The following PHLPP2 variants were observed in gnomAD, a reference collection of about 807,000 sequenced individuals.
The protein encoded by PHLPP2 is PH domain leucine-rich repeat-containing protein phosphatase 2.
A neutral mutation model predicts 124.9 loss-of-function variants in PHLPP2; 66 were observed. The observed-to-expected ratio is 0.53, with a 90% CI of 0.43 to 0.65. The LOEUF is 0.65. Among genes scored for constraint, PHLPP2 ranks in the 30% least tolerant of loss-of-function variants. The pLI is 0.00. For missense variants in PHLPP2, 1,685 were observed against 1,600.4 expected (o/e 1.05, Z -0.90); for synonymous variants, 681 against 624.7 (o/e 1.09, Z -1.34).
At chr16:71,700,414 A>T (rs775522126) in intron 3 of PHLPP2, among the ~76,000 whole-genome samples, 26 of 151,978 alleles carry the variant, frequency 1.7e-4, no homozygotes, top group Non-Finnish European at 3.5e-4. Context: ...CAAAAAAAAT[A>T]AAAAATTAAA....
In PHLPP2 at chr16:71,655,274, C is replaced by G. The variant is rs769506153; in HGVS notation, c.2551G>C (p.Val851Leu). ...EEVQQSTNDT[V>L]FMANTFLVSH... ...ACCAAGAAGGTGTTAGCCATGAAAA[C>G]TGTGTCATTAGTTGACTGCTGTACC... The change falls in exon 17 of 19, where the codon GTT becomes CTT. Residue 851 changes from valine (V) to leucine (L), a missense_variant. Val to Leu is a conservative substitution (Grantham distance 32). Coordinates refer to ENST00000568954, the MANE Select transcript of PHLPP2 (RefSeq NM_015020.3). 7 of 1,613,856 alleles carry G rather than the reference C, an allele frequency of 4.3e-6. No homozygotes were observed. In the African/African-American group the frequency reaches 8.0e-5, roughly 18 times the overall value.
chr16:71,708,819 C>T (rs1376102241), intron 2 of PHLPP2, among the ~76,000 whole-genome samples: 3 of 151,742 alleles, frequency 2.0e-5, no homozygotes, highest in Non-Finnish European at 2.9e-5. Flanking sequence ...TAGCCAGATG[C>T]AGCAGCGTGC....
intron 13 of PHLPP2, among the ~76,000 whole-genome samples, chr16:71,662,487 C>T (rs1003901352): frequency 6.6e-6 from 1 of 151,652 alleles, no homozygotes; most frequent in Admixed American, 6.6e-5. Context: ...AGTCCCATCT[C>T]CTTGGAAGGT....
chr16:71,652,442 G>T (rs540866244), intron 18 of PHLPP2, among the ~76,000 whole-genome samples: 1 of 152,322 alleles, frequency 6.6e-6, no homozygotes, highest in East Asian at 1.9e-4. Flanking sequence ...TCAGAATGGG[G>T]ATGTCAAACT....
Position 71,645,169 on chromosome 16 carries a change from G to T in PHLPP2, c.*3721C>A. 5.6e-6 allele frequency: 1 copy of T among 178,884 alleles called. No individual in the cohort carries two copies. The allele number at this position is 178,884 out of a possible 1,614,324, so 11.1% of individuals were successfully genotyped here. On this transcript the variant is annotated 3_prime_UTR_variant, in exon 19 of 19. Coordinates refer to ENST00000568954, the MANE Select transcript of PHLPP2 (RefSeq NM_015020.3). The stretch of plus-strand genomic sequence containing the variant: ...ATGACATCCACTGGCAACAGTGAGA[G>T]AAAACCCTATAGCATCTGGGAGAAG...
At position 71,681,856 on chromosome 16, in the gene PHLPP2, T is replaced by C. The variant is rs1391340423; in HGVS notation, c.785A>G (p.Glu262Gly). The change falls in exon 6 of 19, where the codon GAG (glutamate) becomes GGG (glycine). Residue 262 changes from glutamate to glycine, a missense_variant. Coordinates refer to ENST00000568954, the MANE Select transcript of PHLPP2 (RefSeq NM_015020.3). ...STVDLSCYSL[E>G]EVPEHLFYSQ... The stretch of plus-strand genomic sequence containing the variant: ...ATAGAAGAGATGCTCAGGAACCTCC[T>C]CGAGGCTGTAACACGAGAGATCCAC... The C allele has an allele frequency of 6.2e-7, 1 of 1,613,774 alleles. No individual in the cohort carries two copies. Among genetic ancestry groups the C allele is most frequent in the Non-Finnish European group, 8.5e-7 (1 of 1,179,884 alleles).
chr16:71,701,708 G>A (rs1302170648), intron 3 of PHLPP2, among the ~76,000 whole-genome samples: 2 of 151,888 alleles, frequency 1.3e-5, no homozygotes, highest in African/African-American at 2.4e-5. Context: ...TGCCACCTGT[G>A]GTCTTGCTTT....
At chr16:71,682,176 C>T (rs183386208) in intron 5 of PHLPP2, among the ~76,000 whole-genome samples, 290 of 150,642 alleles carry the variant, frequency 1.9e-3, no homozygotes, top group Admixed American at 3.7e-3. Context: ...AAAGTTAACA[C>T]TTCATGCAAG....
chr16:71,707,814 C>A (rs2045288801), intron 2 of PHLPP2, among the ~76,000 whole-genome samples: 1 of 152,210 alleles, frequency 6.6e-6, no homozygotes. Context: ...CTGCCAAGTT[C>A]TTCCTTGCAG....
intron 1 of PHLPP2, chr16:71,724,000 G>GC (rs1158780275): frequency 9.5e-6 from 2 of 211,374 alleles, no homozygotes; most frequent in African/African-American, 4.7e-5. Context: ...CGCCAGCTCC[G>GC]CCCCTCCCGC....
chr16:71,711,196 T>C (rs1434154575), intron 2 of PHLPP2, among the ~76,000 whole-genome samples: 1 of 151,958 alleles, frequency 6.6e-6, no homozygotes, highest in Non-Finnish European at 1.5e-5. Context: ...CCAAGTGTGG[T>C]GGCTCATGCC....
At chr16:71,721,789 G>C (rs923815388) in intron 1 of PHLPP2, among the ~76,000 whole-genome samples, 1 of 151,932 alleles carries the variant, frequency 6.6e-6, no homozygotes, top group Admixed American at 6.6e-5. Flanking sequence ...CCAAATTGTA[G>C]GAAACACCTG....
intron 1 of PHLPP2, among the ~76,000 whole-genome samples, chr16:71,718,355 G>A (rs938934557): frequency 4.3e-4 from 65 of 152,186 alleles, no homozygotes; most frequent in African/African-American, 1.3e-3. Context: ...CAAGGCAGGC[G>A]GATCACAAGG....
chr16:71,650,141 A>G (rs1044961309), intron 18 of PHLPP2, 97 bp from the exon 19 acceptor site: 2 of 807,788 alleles, frequency 2.5e-6, no homozygotes, highest in Non-Finnish European at 3.8e-6. Context: ...TAATAAAACA[A>G]TTTATATATG....
intron 7 of PHLPP2, 55 bp from the exon 8 acceptor site, chr16:71,679,040 C>A: frequency 1.0e-6 from 1 of 977,190 alleles, no homozygotes; most frequent in South Asian, 1.4e-5. Context: ...CTGGAATGCA[C>A]AGAATCAGAG....
intron 18 of PHLPP2, 38 bp downstream of exon 18, chr16:71,652,752 T>C (rs777136289): frequency 4.8e-6 from 7 of 1,461,236 alleles, no homozygotes; most frequent in African/African-American, 1.4e-5. Context: ...CTCCACTGAT[T>C]TGGGGAGCAG....
At chr16:71,717,172 TA>T (rs1158534275) in intron 1 of PHLPP2, among the ~76,000 whole-genome samples, 1 of 152,234 alleles carries the variant, frequency 6.6e-6, no homozygotes, top group Non-Finnish European at 1.5e-5. Context: ...ATACTTTCAG[TA>T]GTATTCCTCA....
rs543995941 is a variant in PHLPP2, at chr16:71,666,695, T to C, written c.1784+483A>G. Among the ~76,000 whole-genome samples the C allele has an allele frequency of 1.2e-4, 18 of 152,350 alleles. No homozygotes were observed. The South Asian group carries it at 3.3e-3, about 28-fold the overall frequency. ...AATGACACCTTCTGGAAGGACATTA[T>C]CTGTAAATACAGTTTTCAAAAAGTA... On this transcript the variant is annotated intron_variant, in intron 12 of 18. Coordinates refer to ENST00000568954, the MANE Select transcript of PHLPP2 (RefSeq NM_015020.3).
chr16:71,693,427 G>A (rs993397763), intron 3 of PHLPP2, among the ~76,000 whole-genome samples: 2 of 152,146 alleles, frequency 1.3e-5, no homozygotes, highest in African/African-American at 4.8e-5. Context: ...TCTTGGGTTC[G>A]CTTTCTCAAC....
Sources: gnomAD v4.1 joint callset for allele counts (sites outside exome capture counted in the v4.1 genomes callset) on GRCh38, gnomAD v4.1.1 for gene constraint, MANE v1.5 for transcripts, NCBI Gene and HGNC (gene_info 2026-07-23, HGNC 2026-07-21) for gene names.